The following LRMDA variants were observed in gnomAD, a reference collection of about 807,000 sequenced individuals.
LRMDA encodes the protein leucine rich melanocyte differentiation associated.
Under a neutral mutation model 29.8 loss-of-function variants are expected in LRMDA, and 18 were observed. The ratio of observed to expected loss-of-function variants is 0.60; its 90% CI spans 0.42 to 0.90. The LOEUF (loss-of-function observed/expected upper bound fraction) is 0.90, where lower values mean the gene tolerates loss of function less well. Ranked by LOEUF, LRMDA falls within the 40% of genes least tolerant of loss-of-function variation. LRMDA has a pLI of 0.00. For missense variants in LRMDA, 273 were observed against 273.9 expected (o/e 1.00, Z 0.02); for synonymous variants, 125 against 109.4 (o/e 1.14, Z -0.89).
At chr10:75,648,692 A>G (rs1310927071) in intron 2 of LRMDA, among the ~76,000 whole-genome samples, 3 of 152,156 alleles carry the variant, frequency 2.0e-5, no homozygotes, top group African/African-American at 7.2e-5. Context: ...CAAACCTGAC[A>G]ATTAAGAAAA....
rs1406963091 is a variant in LRMDA, at chr10:75,995,840, A to T, written c.132-40168A>T. ...AGTCAATATAATGCCTTCTGCCATGAACAGGCTTTATTTAGTGGCCTTTCT... is the reference window on the plus strand; with the variant it reads ...AGTCAATATAATGCCTTCTGCCATGTACAGGCTTTATTTAGTGGCCTTTCT... On this transcript the variant is annotated intron_variant, in intron 2 of 6. Transcript: ENST00000611255. Among the ~76,000 whole-genome samples, 7 of 152,306 alleles carry T rather than the reference A, an allele frequency of 4.6e-5. No individual in the cohort carries two copies. The East Asian group carries it at 1.4e-3, about 29-fold the overall frequency.
At position 76,242,720 on chromosome 10, in the gene LRMDA, A is replaced by G. The variant is rs541714715; in HGVS notation, c.517-81681A>G. Among the ~76,000 whole-genome samples, 8 of 152,330 alleles carry G rather than the reference A, an allele frequency of 5.3e-5. No individual in the cohort carries two copies. The East Asian group carries it at 1.5e-3, about 29-fold the overall frequency. On this transcript the variant is annotated intron_variant, in intron 5 of 6. Coordinates refer to ENST00000611255, the MANE Select transcript of LRMDA (RefSeq NM_001305581.2). ...AATGTCTTTATTTCCAAATAAGCTG[A>G]CATTCTGAGGTACTGGGGTTTAGGA...
At chr10:75,931,487 C>A (rs1017771653) in intron 2 of LRMDA, among the ~76,000 whole-genome samples, 1 of 152,208 alleles carries the variant, frequency 6.6e-6, no homozygotes, top group Admixed American at 6.5e-5. Flanking sequence ...GCGGGGGAAT[C>A]ATCTCAAATG....
chr10:75,469,802 A>G (rs150199351), intron 2 of LRMDA, among the ~76,000 whole-genome samples: 15 of 152,318 alleles, frequency 9.8e-5, no homozygotes, highest in Admixed American at 2.0e-4. Context: ...TGTGAGGCCT[A>G]TGGGTGCACA....
In LRMDA at chr10:76,465,787, C is replaced by T. The variant is rs188513659; in HGVS notation, c.602-91422C>T. On this transcript the variant is annotated intron_variant, in intron 6 of 6. Coordinates refer to ENST00000611255, the MANE Select transcript of LRMDA (RefSeq NM_001305581.2). ...AGATGTTGGTGGGGTTGATTTCCTC[C>T]GAGAACCATGAGGGGAGGAGTTGTT... Among the ~76,000 whole-genome samples, 41 of 152,166 alleles carry T rather than the reference C, an allele frequency of 2.7e-4. 1 individual carries two copies. Among genetic ancestry groups the T allele is most frequent in the Admixed American group, 2.4e-3 (36 of 15,292 alleles).
chr10:75,469,010 T>G (rs748985079), intron 2 of LRMDA, among the ~76,000 whole-genome samples: 1 of 152,074 alleles, frequency 6.6e-6, no homozygotes, highest in Non-Finnish European at 1.5e-5. Context: ...TTTTCATAAA[T>G]GCTTTCTGTA....
At chr10:76,142,539 C>CT (rs2132151942) in intron 5 of LRMDA, among the ~76,000 whole-genome samples, 2 of 150,938 alleles carry the variant, frequency 1.3e-5, no homozygotes, top group South Asian at 4.2e-4. Context: ...CTGGGATTTA[C>CT]TTTTTTCACT....
chr10:75,770,096 G>A (rs1045361581), intron 2 of LRMDA, among the ~76,000 whole-genome samples: 6 of 151,896 alleles, frequency 4.0e-5, no homozygotes, highest in African/African-American at 1.5e-4. Context: ...TTTGAGACCA[G>A]CCTGGGCAAG....
At chr10:75,852,259 T>C (rs1486775624) in intron 2 of LRMDA, among the ~76,000 whole-genome samples, 1 of 152,202 alleles carries the variant, frequency 6.6e-6, no homozygotes, top group Non-Finnish European at 1.5e-5. Flanking sequence ...AAATAGAGAT[T>C]GAAAACTCTG....
chr10:76,195,175 A>C (rs750782933), intron 5 of LRMDA, among the ~76,000 whole-genome samples: 19 of 152,210 alleles, frequency 1.2e-4, no homozygotes, highest in African/African-American at 2.2e-4. Flanking sequence ...ATAATTTGAC[A>C]TCATGTTGGT....
chr10:76,258,418 G>A (rs531174539), intron 5 of LRMDA, among the ~76,000 whole-genome samples: 133 of 152,168 alleles, frequency 8.7e-4, no homozygotes, highest in African/African-American at 3.2e-3. Context: ...AGTGTAATTA[G>A]CATATCCCTC....
chr10:76,160,987 G>T (rs578206306), intron 5 of LRMDA, among the ~76,000 whole-genome samples: 1 of 152,268 alleles, frequency 6.6e-6, no homozygotes, highest in East Asian at 1.9e-4. Context: ...CAACCGCAAG[G>T]GGTGGGAGGT....
intron 2 of LRMDA, among the ~76,000 whole-genome samples, chr10:75,727,705 T>G (rs1251335805): frequency 6.6e-6 from 1 of 152,234 alleles, no homozygotes; most frequent in Non-Finnish European, 1.5e-5. Flanking sequence ...TATTTCTGTT[T>G]CCCTCAGTTA....
chr10:76,042,329 C>T (rs1848354689), intron 3 of LRMDA, among the ~76,000 whole-genome samples: 1 of 152,080 alleles, frequency 6.6e-6, no homozygotes, highest in Non-Finnish European at 1.5e-5. Context: ...TACAAAATAC[C>T]CAAAAGCAGG....
At chr10:76,334,908 T>A (rs190049588) in intron 6 of LRMDA, among the ~76,000 whole-genome samples, 1 of 152,094 alleles carries the variant, frequency 6.6e-6, no homozygotes, top group African/African-American at 2.4e-5. Flanking sequence ...ACAGTCTAAT[T>A]GGAGACAAGG....
intron 5 of LRMDA, among the ~76,000 whole-genome samples, chr10:76,271,155 C>G (rs1840063823): frequency 6.6e-6 from 1 of 152,176 alleles, no homozygotes; most frequent in Non-Finnish European, 1.5e-5. Context: ...CGCCTGTAAT[C>G]CCAGTACTTT....
At chr10:76,275,781 G>A (rs1007703515) in intron 5 of LRMDA, among the ~76,000 whole-genome samples, 1 of 152,094 alleles carries the variant, frequency 6.6e-6, no homozygotes, top group Non-Finnish European at 1.5e-5. Flanking sequence ...TTTTTGCACA[G>A]TATTTCTTTA....
intron 5 of LRMDA, among the ~76,000 whole-genome samples, chr10:76,272,698 T>C (rs1418212678): frequency 1.3e-5 from 2 of 152,122 alleles, no homozygotes; most frequent in African/African-American, 4.8e-5. Context: ...ATAAAGATAC[T>C]ACCTGAGTCT....
At chr10:76,316,113 T>C (rs903226375) in intron 5 of LRMDA, among the ~76,000 whole-genome samples, 5 of 152,132 alleles carry the variant, frequency 3.3e-5, no homozygotes, top group African/African-American at 7.2e-5. Flanking sequence ...GAAACACGCC[T>C]CTCCGCCTAA....
Sources: allele counts gnomAD v4.1 joint callset (sites outside exome capture counted in the v4.1 genomes callset), GRCh38; gene constraint gnomAD v4.1.1; transcripts MANE v1.5; gene names NCBI Gene and HGNC (gene_info 2026-07-23, HGNC 2026-07-21).